Variants in SEMA5A observed in about 807,000 individuals in gnomAD.
The protein encoded by SEMA5A is semaphorin-5A.
A neutral mutation model predicts 135.5 loss-of-function variants in SEMA5A; 55 were observed. That is an observed-to-expected ratio of 0.41 (90% CI 0.33 to 0.51). SEMA5A has a LOEUF of 0.51. Among genes scored for constraint, SEMA5A ranks in the 20% least tolerant of loss-of-function variants. SEMA5A has a pLI of 0.37. For missense variants in SEMA5A, 1,290 were observed against 1,419.9 expected (o/e 0.91, Z 1.47); for synonymous variants, 580 against 546.5 (o/e 1.06, Z -0.85).
intron 1 of SEMA5A, among the ~76,000 whole-genome samples, chr5:9,530,783 CTT>C (rs2126325788): frequency 6.6e-6 from 1 of 152,264 alleles, no homozygotes; most frequent in South Asian, 2.1e-4. Flanking sequence ...ATCAAGGAAT[CTT>C]GACTTGCACA....
At chr5:9,096,748 A>C (rs1175633449) in intron 16 of SEMA5A, among the ~76,000 whole-genome samples, 1 of 152,000 alleles carries the variant, frequency 6.6e-6, no homozygotes, top group Non-Finnish European at 1.5e-5. Context: ...CAACATGATA[A>C]AAAAAATATA....
intron 18 of SEMA5A, among the ~76,000 whole-genome samples, chr5:9,059,239 T>C (rs1211241746): frequency 4.6e-5 from 7 of 152,098 alleles, no homozygotes; most frequent in Non-Finnish European, 8.8e-5. Context: ...TCCTCTTAGC[T>C]GAACATTACT....
At chr5:9,242,821 G>A (rs1748276224) in intron 5 of SEMA5A, among the ~76,000 whole-genome samples, 2 of 152,052 alleles carry the variant, frequency 1.3e-5, no homozygotes. Context: ...ACTTAAAAAA[G>A]ACTGGAATCG....
chr5:9,102,704 AACAAT>A (rs1435411864), intron 16 of SEMA5A, among the ~76,000 whole-genome samples: 13 of 152,316 alleles, frequency 8.5e-5, no homozygotes, highest in Non-Finnish European at 1.8e-4. Context: ...CCAAATTAAG[AACAAT>A]ACAATTATTA....
chr5:9,397,337 C>T (rs746565401), intron 2 of SEMA5A, among the ~76,000 whole-genome samples: 3 of 152,196 alleles, frequency 2.0e-5, no homozygotes, highest in Non-Finnish European at 4.4e-5. Flanking sequence ...CTATCAGTGC[C>T]AGGTTGCAAA....
chr5:9,124,921 C>T (rs1177028759), intron 13 of SEMA5A, among the ~76,000 whole-genome samples: 3 of 152,164 alleles, frequency 2.0e-5, no homozygotes, highest in African/African-American at 4.8e-5. Flanking sequence ...CCACTACCAT[C>T]GGAAAGACTC....
chr5:9,474,968 G>A (rs898631500), intron 1 of SEMA5A, among the ~76,000 whole-genome samples: 2 of 152,114 alleles, frequency 1.3e-5, no homozygotes, highest in Non-Finnish European at 2.9e-5. Context: ...TTTAGAAACC[G>A]AGCCTCACTG....
In SEMA5A at chr5:9,137,459, T is replaced by C. The variant is rs543683002; in HGVS notation, c.1482-838A>G. 6.6e-5 allele frequency among the ~76,000 whole-genome samples: 10 copies of C among 151,904 alleles called. No individual in the cohort carries two copies. In the South Asian group the frequency reaches 2.1e-3, roughly 32 times the overall value. ...TTTACATTATAAAGACAAGCAAAGG[T>C]AAATGAGGGAGGAAGAAGACGGAGA... On this transcript the variant is annotated intron_variant, in intron 12 of 22. Transcript: ENST00000382496.
chr5:9,050,602 A>G (rs1736517161), intron 20 of SEMA5A, 145 bp from the exon 21 acceptor site: 3 of 739,868 alleles, frequency 4.1e-6, no homozygotes, highest in Non-Finnish European at 6.2e-6. Flanking sequence ...GAAAAATTCT[A>G]CTTGTTTCTT....
intron 5 of SEMA5A, among the ~76,000 whole-genome samples, chr5:9,275,900 C>G (rs953622710): frequency 6.6e-6 from 1 of 151,928 alleles, no homozygotes; most frequent in African/African-American, 2.4e-5. Flanking sequence ...AAAACTGGCA[C>G]AAGACAGGGA....
At position 9,538,400 on chromosome 5, in the gene SEMA5A, C is replaced by T. The variant is rs1737896143; in HGVS notation, c.-175+7184G>A. On this transcript the variant is annotated intron_variant, in intron 1 of 22. Coordinates refer to ENST00000382496, the MANE Select transcript of SEMA5A (RefSeq NM_003966.3). ...CCTGCCACTCCAGCTGAAGCGAAGGCCTTGCTAAGAAAGTGTACAAGGACA... is the reference window on the plus strand; with the variant it reads ...CCTGCCACTCCAGCTGAAGCGAAGGTCTTGCTAAGAAAGTGTACAAGGACA... Among the ~76,000 whole-genome samples, 3 of 152,094 alleles carry T rather than the reference C, an allele frequency of 2.0e-5. No homozygotes were observed. The South Asian group carries it at 6.2e-4, about 32-fold the overall frequency.
chr5:9,435,681 G>A (rs1758003305), intron 2 of SEMA5A, among the ~76,000 whole-genome samples: 2 of 152,168 alleles, frequency 1.3e-5, no homozygotes, highest in African/African-American at 4.8e-5. Context: ...TTAGCCTGGA[G>A]GCCAAATCCA....
intron 16 of SEMA5A, among the ~76,000 whole-genome samples, chr5:9,100,981 G>C (rs1487916986): frequency 6.6e-6 from 1 of 152,088 alleles, no homozygotes. Flanking sequence ...AGAAAGATGG[G>C]CATCACTTCT....
intron 5 of SEMA5A, among the ~76,000 whole-genome samples, chr5:9,252,737 TC>T (rs1277293516): frequency 1.3e-5 from 2 of 152,162 alleles, no homozygotes; most frequent in Non-Finnish European, 2.9e-5. Flanking sequence ...ATTCTAAGAT[TC>T]CATATTCTTC....
At chr5:9,049,151 ATTAT>A (rs3063993) in intron 21 of SEMA5A, among the ~76,000 whole-genome samples, 48 of 149,280 alleles carry the variant, frequency 3.2e-4, no homozygotes, top group African/African-American at 9.6e-4. Flanking sequence ...GAGCTCTTCT[ATTAT>A]TTATTTATTT....
intron 15 of SEMA5A, among the ~76,000 whole-genome samples, chr5:9,110,683 G>C (rs552385277): frequency 3.9e-4 from 60 of 152,300 alleles, no homozygotes; most frequent in African/African-American, 1.4e-3. Flanking sequence ...CCTCCGGAGA[G>C]TCAAGAACCA....
intron 18 of SEMA5A, among the ~76,000 whole-genome samples, chr5:9,058,852 C>T (rs1737033154): frequency 1.3e-5 from 2 of 152,178 alleles, no homozygotes; most frequent in Admixed American, 6.5e-5. Flanking sequence ...GTGCTCTCTG[C>T]TCCTAAGGAT....
chr5:9,414,146 C>A (rs1182296905), intron 2 of SEMA5A, among the ~76,000 whole-genome samples: 1 of 152,102 alleles, frequency 6.6e-6, no homozygotes, highest in Non-Finnish European at 1.5e-5. Context: ...ACAAATAACA[C>A]ATATAACATG....
chr5:9,188,918 C>T (rs1385968722), intron 11 of SEMA5A, among the ~76,000 whole-genome samples: 3 of 152,168 alleles, frequency 2.0e-5, no homozygotes, highest in South Asian at 4.1e-4. Flanking sequence ...CATCTGACTT[C>T]GGCCAGTGCT....
Sources: allele counts gnomAD v4.1 joint callset (sites outside exome capture counted in the v4.1 genomes callset), GRCh38; gene constraint gnomAD v4.1.1; transcripts MANE v1.5; gene names NCBI Gene and HGNC (gene_info 2026-07-23, HGNC 2026-07-21).